The following R3HDM1 variants were observed in gnomAD, a reference collection of about 807,000 sequenced individuals.
R3HDM1 encodes the protein R3H domain-containing protein 1.
A neutral mutation model predicts 141.1 loss-of-function variants in R3HDM1; 46 were observed. The ratio of observed to expected loss-of-function variants is 0.33; its 90% confidence interval spans 0.26 to 0.42. R3HDM1 has a LOEUF of 0.42. Among genes scored for constraint, R3HDM1 ranks in the 10% least tolerant of loss-of-function variants. The pLI is 1.00. For synonymous variants in R3HDM1, 435 were observed against 472.9 expected (o/e 0.92, Z 1.04); for missense variants, 1,184 against 1,368.3 (o/e 0.87, Z 2.12).
intron 1 of R3HDM1, among the ~76,000 whole-genome samples, chr2:135,589,048 G>T (rs575866379): frequency 2.0e-5 from 3 of 152,010 alleles, no homozygotes; most frequent in Admixed American, 2.0e-4. Flanking sequence ...AAGAACAGAC[G>T]CTCATTTAGC....
intron 1 of R3HDM1, among the ~76,000 whole-genome samples, chr2:135,579,600 G>T (rs928950538): frequency 6.8e-6 from 1 of 147,754 alleles, no homozygotes; most frequent in Non-Finnish European, 1.5e-5. Flanking sequence ...GGTGGCGGGG[G>T]GGGGTGGAAA....
chr2:135,577,617 C>T (rs1322278220), intron 1 of R3HDM1, among the ~76,000 whole-genome samples: 1 of 151,864 alleles, frequency 6.6e-6, no homozygotes, highest in Non-Finnish European at 1.5e-5. Context: ...GGGTGGATCA[C>T]CTGAGGTTTC....
intron 21 of R3HDM1, among the ~76,000 whole-genome samples, chr2:135,700,431 A>G (rs1282306284): frequency 7.2e-5 from 11 of 152,192 alleles, no homozygotes; most frequent in African/African-American, 2.4e-5. Context: ...TTTATTGATG[A>G]CTTACAGCAT....
chr2:135,649,962 T>C lies in R3HDM1; in HGVS notation c.1684T>C (p.Ser562Pro), dbSNP rs1461312925. 8.5e-6 allele frequency: 11 copies of C among 1,294,706 alleles called. No homozygotes were observed. The East Asian group carries it at 5.7e-4, about 67-fold the overall frequency. The allele number at this position is 1,294,706 out of a possible 1,614,324, so 80.2% of individuals were successfully genotyped here. Residue 562 changes from serine (S) to proline (P), a missense_variant, in exon 17 of 27, where the codon TCC becomes CCC. Coordinates refer to ENST00000683871, the MANE Select transcript of R3HDM1 (RefSeq NM_001378107.1). Reference sequence around the variant, plus strand: ...TCAGTACTCTACAGCCCCTTACCCATCCCCGTTCCTGCCAGTCTCACCCAC... The same window carrying C: ...TCAGTACTCTACAGCCCCTTACCCACCCCCGTTCCTGCCAGTCTCACCCAC... ...PVQYSTAPYPSPFLPVSPTQQ... is the reference protein window; with the variant it reads ...PVQYSTAPYPPPFLPVSPTQQ...
chr2:135,584,218 C>G lies in R3HDM1; in HGVS notation c.-249-18282C>G, dbSNP rs564391990. ...TGGCAGTTTCCTGTAATCCCAGCTA[C>G]TCGGGAGGCTGAAGCAGGAGGATCG... On this transcript the variant is annotated intron_variant, in intron 1 of 26. Transcript: ENST00000683871. 7.8e-4 allele frequency: 398 copies of G among 508,408 alleles called. 1 individual carries two copies. The highest frequency in any genetic ancestry group is 1.7e-3 in the Admixed American group (26 of 15,700). 31.5% of individuals were successfully genotyped at this position (508,408 alleles called of 1,614,324 possible). A position where few individuals can be genotyped will look rare whatever the true frequency, so the allele number is the denominator to read the frequency against.
At chr2:135,559,940 G>A (rs143214689) in intron 1 of R3HDM1, among the ~76,000 whole-genome samples, 1 of 152,320 alleles carries the variant, frequency 6.6e-6, no homozygotes, top group East Asian at 1.9e-4. Flanking sequence ...TTGAACAAAA[G>A]TTTTAAATAT....
At chr2:135,537,726 G>A (rs554494528) in intron 1 of R3HDM1, among the ~76,000 whole-genome samples, 26 of 150,054 alleles carry the variant, frequency 1.7e-4, no homozygotes, top group Admixed American at 1.2e-3. Context: ...GTGCAGTCTC[G>A]GCTCACTGCA....
At position 135,559,092 on chromosome 2, in the gene R3HDM1, TGCATGC is replaced by T. The variant is rs1412072188; in HGVS notation, c.-250+27461_-250+27466del. 596 of 826,944 alleles carry T rather than the reference TGCATGC, an allele frequency of 7.2e-4. 1 individual carries two copies. The highest frequency in any genetic ancestry group is 5.5e-3 in the African/African-American group (285 of 51,870). The allele number at this position is 826,944 out of a possible 1,614,324, so 51.2% of individuals were successfully genotyped here. ...GTGTGTGTGTGTGTGTGTGTGTGTGTGCATGCGTGTGTGTGTGTGGTTTTGTTGTTG... is the reference window on the plus strand; with the variant it reads ...GTGTGTGTGTGTGTGTGTGTGTGTGTGTGTGTGTGTGTGGTTTTGTTGTTG... On this transcript the variant is annotated intron_variant, in intron 1 of 26. Coordinates refer to ENST00000683871, the MANE Select transcript of R3HDM1 (RefSeq NM_001378107.1).
chr2:135,667,184 G>A (rs1325733014), intron 19 of R3HDM1: 10 of 981,122 alleles, frequency 1.0e-5, no homozygotes, highest in Non-Finnish European at 1.1e-5. Context: ...GCTGAGCACT[G>A]CATTTCCTTC....
chr2:135,723,692 G>A lies in R3HDM1; in HGVS notation c.3050-245G>A, dbSNP rs577949412. The stretch of plus-strand genomic sequence containing the variant: ...CTTGGGAAGCTGAGGCAGGAGAATC[G>A]CTTGAACCTGGGAGGTGGAGGTTGC... On this transcript the variant is annotated intron_variant, in intron 26 of 26. Coordinates refer to ENST00000683871, the MANE Select transcript of R3HDM1 (RefSeq NM_001378107.1). Among the ~76,000 whole-genome samples the A allele has an allele frequency of 4.1e-5, 6 of 145,226 alleles. No individual in the cohort carries two copies. The East Asian group carries it at 1.1e-3, about 26-fold the overall frequency.
intron 1 of R3HDM1, chr2:135,536,594 C>A: frequency 1.1e-6 from 1 of 897,166 alleles, no homozygotes; most frequent in Non-Finnish European, 1.3e-6. Flanking sequence ...TGACCATTCT[C>A]GAGAGGGAAT....
intron 21 of R3HDM1, among the ~76,000 whole-genome samples, chr2:135,702,217 GA>G (rs35183953): frequency 0.01 from 1,208 of 120,754 alleles, 16 homozygotes; most frequent in African/African-American, 0.044. Context: ...GTCTCAGGGG[GA>G]AAAAAAAAAA....
At chr2:135,631,803 A>C in intron 8 of R3HDM1, 26 bp downstream of exon 8, 1 of 1,566,624 alleles carries the variant, frequency 6.4e-7, no homozygotes, top group Non-Finnish European at 8.6e-7. Context: ...CAACAAGAAA[A>C]GAAATTGTCA....
intron 5 of R3HDM1, chr2:135,620,628 A>G (rs2061436156): frequency 4.1e-6 from 4 of 979,466 alleles, no homozygotes; most frequent in Non-Finnish European, 4.9e-6. Context: ...TTGACTATAG[A>G]ACAACAGTAT....
intron 1 of R3HDM1, among the ~76,000 whole-genome samples, chr2:135,585,158 A>G (rs1170099110): frequency 6.6e-6 from 1 of 152,120 alleles, no homozygotes; most frequent in East Asian, 1.9e-4. Flanking sequence ...CTGCCTCATC[A>G]CCTTTGTTGT....
At chr2:135,720,177 C>G (rs76984318) in intron 24 of R3HDM1, among the ~76,000 whole-genome samples, 1 of 152,210 alleles carries the variant, frequency 6.6e-6, no homozygotes, top group East Asian at 1.9e-4. Flanking sequence ...TCACACTTCA[C>G]TTTGCATCTC....
At chr2:135,597,881 A>C (rs1326632515) in intron 1 of R3HDM1, among the ~76,000 whole-genome samples, 1 of 152,136 alleles carries the variant, frequency 6.6e-6, no homozygotes, top group Admixed American at 6.5e-5. Context: ...TGTTGTGTGA[A>C]ATTTGAGTAT....
chr2:135,649,726 G>C (rs1433135267), intron 16 of R3HDM1, among the ~76,000 whole-genome samples, 176 bp from the exon 17 acceptor site: 1 of 152,112 alleles, frequency 6.6e-6, no homozygotes, highest in Non-Finnish European at 1.5e-5. Flanking sequence ...AAGTTTTACT[G>C]TATTAGAGTT....
At chr2:135,615,772 G>C (rs2060970249) in intron 3 of R3HDM1, among the ~76,000 whole-genome samples, 1 of 152,110 alleles carries the variant, frequency 6.6e-6, no homozygotes, top group Non-Finnish European at 1.5e-5. Context: ...GCTGGTTTTT[G>C]TGTGTGTTCT....
Sources: allele counts gnomAD v4.1 joint callset (sites outside exome capture counted in the v4.1 genomes callset), GRCh38; gene constraint gnomAD v4.1.1; transcripts MANE v1.5; gene names NCBI Gene and HGNC (gene_info 2026-07-23, HGNC 2026-07-21).